The following PIAS4 variants were observed in gnomAD, a reference collection of about 807,000 sequenced individuals.
PIAS4 encodes E3 SUMO-protein ligase PIAS4.
Under a neutral mutation model 58.0 loss-of-function variants are expected in PIAS4, and 7 were observed. That is an observed-to-expected ratio of 0.12 (90% CI 0.07 to 0.23). The LOEUF is 0.23. Ranked by LOEUF, PIAS4 falls within the 10% of genes least tolerant of loss-of-function variation. The probability of loss-of-function intolerance (pLI) is 1.00; values close to 1 mark genes in which losing one functional copy is unlikely to be tolerated. For synonymous variants in PIAS4, 364 were observed against 312.4 expected (o/e 1.17, Z -1.74); for missense variants, 550 against 709.5 (o/e 0.78, Z 2.55).
At chr19:4,023,015 T>C (rs2040125386) in intron 2 of PIAS4, among the ~76,000 whole-genome samples, 1 of 150,532 alleles carries the variant, frequency 6.6e-6, no homozygotes, top group Admixed American at 6.6e-5. Context: ...CTACTAAAAA[T>C]AGAAAATTAG....
At chr19:4,032,788 T>C (rs1335152187) in intron 7 of PIAS4, among the ~76,000 whole-genome samples, 4 of 152,128 alleles carry the variant, frequency 2.6e-5, no homozygotes, top group Admixed American at 1.3e-4. Flanking sequence ...TCGGTGGCTG[T>C]GTTGCATGAA....
At chr19:4,012,353 G>A (rs906251818) in intron 1 of PIAS4, among the ~76,000 whole-genome samples, 1 of 152,062 alleles carries the variant, frequency 6.6e-6, no homozygotes, top group Non-Finnish European at 1.5e-5. Context: ...GCCTAGCAGG[G>A]GTGTTTTAAG....
At chr19:4,030,968 G>A (rs2040217548) in intron 7 of PIAS4, among the ~76,000 whole-genome samples, 1 of 152,192 alleles carries the variant, frequency 6.6e-6, no homozygotes, top group Non-Finnish European at 1.5e-5. Context: ...ACGAGAGGGC[G>A]GTTCTGGGCC....
At chr19:4,020,399 A>G (rs911298809) in intron 2 of PIAS4, among the ~76,000 whole-genome samples, 3 of 152,114 alleles carry the variant, frequency 2.0e-5, no homozygotes, top group Non-Finnish European at 2.9e-5. Context: ...AGCCTTTACC[A>G]GGGGCAGTTC....
At chr19:4,022,665 C>T (rs73532348) in intron 2 of PIAS4, among the ~76,000 whole-genome samples, 15,192 of 151,580 alleles carry the variant, frequency 0.1, 846 homozygotes, top group South Asian at 0.18. Flanking sequence ...CGCGCCTGGC[C>T]GTTTGTTTTT....
At chr19:4,021,169 T>C (rs1022379448) in intron 2 of PIAS4, among the ~76,000 whole-genome samples, 1 of 152,164 alleles carries the variant, frequency 6.6e-6, no homozygotes, top group Non-Finnish European at 1.5e-5. Flanking sequence ...TTTTATATTA[T>C]TGATACAGAG....
At chr19:4,030,972 C>G (rs1055260932) in intron 7 of PIAS4, among the ~76,000 whole-genome samples, 1 of 152,184 alleles carries the variant, frequency 6.6e-6, no homozygotes, top group Non-Finnish European at 1.5e-5. Flanking sequence ...GAGGGCGGTT[C>G]TGGGCCAGCC....
At chr19:4,011,253 TC>T (rs1158011701) in intron 1 of PIAS4, among the ~76,000 whole-genome samples, 1 of 152,306 alleles carries the variant, frequency 6.6e-6, no homozygotes, top group Admixed American at 6.5e-5. Flanking sequence ...TTCTCCCCAT[TC>T]CTCCTGGAAG....
intron 2 of PIAS4, among the ~76,000 whole-genome samples, chr19:4,022,330 T>G (rs2040118048): frequency 2.6e-5 from 4 of 152,130 alleles, no homozygotes; most frequent in Admixed American, 2.6e-4. Flanking sequence ...AGAGTTTTGT[T>G]TTTTTTGTTG....
intron 7 of PIAS4, among the ~76,000 whole-genome samples, chr19:4,030,591 C>G (rs913334147): frequency 1.1e-4 from 16 of 151,732 alleles, no homozygotes; most frequent in African/African-American, 3.9e-4. Context: ...TGCACTCCAG[C>G]CTGGGTGAGA....
At chr19:4,008,904 C>G (rs1198225638) in intron 1 of PIAS4, among the ~76,000 whole-genome samples, 1 of 152,148 alleles carries the variant, frequency 6.6e-6, no homozygotes, top group Admixed American at 6.6e-5. Context: ...AGGCTGGCCT[C>G]TTTAGAACAA....
Position 4,011,626 on chromosome 19 carries a change from G to A in PIAS4, c.28-1297G>A, listed in dbSNP as rs940355223. ...CGGTCCCCCAGGGACTCAGGGCAACGTGTGGAGGTGTGTTTGGTGTGGAGG... is the reference window on the plus strand; with the variant it reads ...CGGTCCCCCAGGGACTCAGGGCAACATGTGGAGGTGTGTTTGGTGTGGAGG... On this transcript the variant is annotated intron_variant, in intron 1 of 10. Coordinates refer to ENST00000262971, the MANE Select transcript of PIAS4 (RefSeq NM_015897.4). 7.9e-5 allele frequency among the ~76,000 whole-genome samples: 12 copies of A among 152,036 alleles called. No homozygotes were observed. The East Asian group carries it at 1.6e-3, about 20-fold the overall frequency.
chr19:4,026,588 C>T (rs1322920939), intron 3 of PIAS4, among the ~76,000 whole-genome samples: 3 of 151,722 alleles, frequency 2.0e-5, no homozygotes, highest in Non-Finnish European at 4.4e-5. Context: ...GCAGCTGCCA[C>T]CCTTCATCCA....
intron 9 of PIAS4, among the ~76,000 whole-genome samples, chr19:4,036,393 T>A: frequency 7.8e-6 from 1 of 128,564 alleles, no homozygotes; most frequent in South Asian, 2.6e-4. Flanking sequence ...CACACACGTC[T>A]ATACAGTCCA....
intron 3 of PIAS4, among the ~76,000 whole-genome samples, chr19:4,025,688 C>CAGCCTT (rs1555688802): frequency 6.6e-6 from 1 of 151,652 alleles, no homozygotes; most frequent in Non-Finnish European, 1.5e-5. Flanking sequence ...TTCTCAGCCT[C>CAGCCTT]GTCTTCCTTG....
chr19:4,030,420 C>T (rs1477034960), intron 7 of PIAS4, among the ~76,000 whole-genome samples: 1 of 151,966 alleles, frequency 6.6e-6, no homozygotes, highest in African/African-American at 2.4e-5. Context: ...GAGAGCAACA[C>T]CATCCTGGCT....
chr19:4,036,460 GGTCCACACCGTCACACATCCATACA>G (rs1360317440), intron 9 of PIAS4, among the ~76,000 whole-genome samples: 4 of 91,166 alleles, frequency 4.4e-5, no homozygotes, highest in East Asian at 3.1e-4. Flanking sequence ...ACATCTATAC[GGTCCACACCGTCACACATCCATACA>G]GTCCACACCG....
At chr19:4,008,358 G>T (rs1198344231) in intron 1 of PIAS4, among the ~76,000 whole-genome samples, 1 of 152,012 alleles carries the variant, frequency 6.6e-6, no homozygotes, top group East Asian at 1.9e-4. Flanking sequence ...AGGAGTCAGG[G>T]CCCTGAGACC....
chr19:4,015,956 G>A (rs916314090), intron 2 of PIAS4, among the ~76,000 whole-genome samples: 10 of 152,224 alleles, frequency 6.6e-5, no homozygotes, highest in Non-Finnish European at 1.5e-5. Context: ...GTAGGTGATC[G>A]GCTCCAGTGG....
Sources: allele counts gnomAD v4.1 joint callset (sites outside exome capture counted in the v4.1 genomes callset), GRCh38; gene constraint gnomAD v4.1.1; transcripts MANE v1.5; gene names NCBI Gene and HGNC (gene_info 2026-07-23, HGNC 2026-07-21).